ERC2: variants seen among roughly 807,000 people sequenced by gnomAD.
ERC2 encodes ERC protein 2.
Under a neutral mutation model 114.8 loss-of-function variants are expected in ERC2, and 42 were observed. The observed-to-expected ratio is 0.37, with a 90% CI of 0.29 to 0.47. ERC2 has a LOEUF of 0.47. Ranked by LOEUF, ERC2 falls within the 20% of genes least tolerant of loss-of-function variation. The pLI, the probability that ERC2 is intolerant of heterozygous loss-of-function variation, is 0.99. For missense variants in ERC2, 939 were observed against 1,150.7 expected, an observed-to-expected ratio of 0.82 and a Z score of 2.66; for synonymous variants, 454 against 425.5, an observed-to-expected ratio of 1.07 and a Z score of -0.82.
At chr3:55,874,905 G>T (rs2062753143) in intron 14 of ERC2, among the ~76,000 whole-genome samples, 1 of 152,162 alleles carries the variant, frequency 6.6e-6, no homozygotes, top group African/African-American at 2.4e-5. Flanking sequence ...GAGAGAAGCT[G>T]CTATGGCCAG....
intron 13 of ERC2, among the ~76,000 whole-genome samples, chr3:55,914,501 C>T (rs764746311): frequency 2.6e-5 from 4 of 152,150 alleles, no homozygotes; most frequent in Non-Finnish European, 4.4e-5. Context: ...GTACCCACTC[C>T]TACCCAAATC....
chr3:55,725,972 G>A (rs1206987517), intron 15 of ERC2, among the ~76,000 whole-genome samples: 1 of 152,166 alleles, frequency 6.6e-6, no homozygotes, highest in Non-Finnish European at 1.5e-5. Flanking sequence ...GACATTAAGA[G>A]GAAATTGTTT....
chr3:56,360,491 T>A (rs1009901068), intron 2 of ERC2, among the ~76,000 whole-genome samples: 2 of 152,158 alleles, frequency 1.3e-5, no homozygotes, highest in Non-Finnish European at 2.9e-5. Context: ...TGTGAAAACA[T>A]GCTCTCCAAG....
rs539487356 is a variant in ERC2, at chr3:56,210,319, CAG to C, written c.1075-36801_1075-36800del. Among the ~76,000 whole-genome samples the C allele has an allele frequency of 4.3e-3, 649 of 152,230 alleles. 10 individuals carry two copies. Among genetic ancestry groups the C allele is most frequent in the African/African-American group, 0.015 (623 of 41,550 alleles). ...AAAGAAGGGAACAGGCCAAAAATGG[CAG>C]AGTTTAATATTTATGACTCAAAATC... On this transcript the variant is annotated intron_variant, in intron 3 of 17. Transcript: ENST00000288221.
At chr3:55,950,341 C>CAT in intron 13 of ERC2, 84 bp downstream of exon 13, 1 of 1,522,652 alleles carries the variant, frequency 6.6e-7, no homozygotes, top group Non-Finnish European at 8.9e-7. Context: ...CATTTCTGTG[C>CAT]ATATTTTCTG....
At chr3:56,074,572 T>C (rs911330005) in intron 7 of ERC2, among the ~76,000 whole-genome samples, 2 of 152,164 alleles carry the variant, frequency 1.3e-5, no homozygotes, top group Non-Finnish European at 2.9e-5. Flanking sequence ...AATAAGATGA[T>C]ATTCTCTGTA....
intron 3 of ERC2, among the ~76,000 whole-genome samples, chr3:56,271,700 C>A (rs141850506): frequency 1.1e-3 from 170 of 152,254 alleles, no homozygotes; most frequent in African/African-American, 3.8e-3. Context: ...CAGATTATTT[C>A]ATCACCCAGG....
chr3:55,893,908 C>T (rs1342241196), intron 13 of ERC2, among the ~76,000 whole-genome samples: 1 of 152,094 alleles, frequency 6.6e-6, no homozygotes, highest in Admixed American at 6.6e-5. Context: ...TACTCTTACC[C>T]CTAAGTGAGG....
chr3:55,878,953 T>G (rs2062987714), intron 14 of ERC2, among the ~76,000 whole-genome samples: 1 of 152,204 alleles, frequency 6.6e-6, no homozygotes, highest in Non-Finnish European at 1.5e-5. Context: ...TTGGCTCATA[T>G]ATTTAATAAC....
At chr3:56,451,762 T>C (rs553240492) in intron 1 of ERC2, among the ~76,000 whole-genome samples, 1 of 152,360 alleles carries the variant, frequency 6.6e-6, no homozygotes, top group South Asian at 2.1e-4. Flanking sequence ...CAAATACTTC[T>C]GGAGAACAAA....
At chr3:56,327,803 C>G (rs573109591) in intron 2 of ERC2, among the ~76,000 whole-genome samples, 1 of 152,290 alleles carries the variant, frequency 6.6e-6, no homozygotes, top group South Asian at 2.1e-4. Flanking sequence ...CACAATCCTT[C>G]CAGTTTATAT....
intron 17 of ERC2, among the ~76,000 whole-genome samples, chr3:55,619,471 A>T (rs1037679983): frequency 6.6e-6 from 1 of 152,242 alleles, no homozygotes; most frequent in Non-Finnish European, 1.5e-5. Context: ...TCATAATTTC[A>T]TAATCAGTTC....
chr3:55,814,681 CTATT>C (rs2059845246), intron 14 of ERC2, among the ~76,000 whole-genome samples: 1 of 152,116 alleles, frequency 6.6e-6, no homozygotes, highest in Non-Finnish European at 1.5e-5. Context: ...TAAATGTGGG[CTATT>C]TATTTACAAG....
chr3:55,952,162 C>G lies in ERC2; in HGVS notation c.2268-1602G>C, dbSNP rs867233413. ...ACACACACACACACACACACACACA[C>G]ACACACACACACACACACTCTCTCT... On this transcript the variant is annotated intron_variant, in intron 12 of 17. Coordinates refer to ENST00000288221, the MANE Select transcript of ERC2 (RefSeq NM_015576.3). Among the ~76,000 whole-genome samples, 273 of 62,520 alleles carry G rather than the reference C, an allele frequency of 4.4e-3. 14 individuals carry two copies. The highest frequency in any genetic ancestry group is 6.8e-3 in the Non-Finnish European group (189 of 27,902). The allele number at this position is 62,520 out of a possible 152,430, so 41.0% of individuals were successfully genotyped here. A position where few individuals can be genotyped will look rare whatever the true frequency, so the allele number is the denominator to read the frequency against.
At chr3:55,644,517 C>T (rs945242193) in intron 17 of ERC2, among the ~76,000 whole-genome samples, 3 of 152,108 alleles carry the variant, frequency 2.0e-5, no homozygotes, top group Admixed American at 1.3e-4. Flanking sequence ...AAGCTCAGTT[C>T]CTCTATTAGT....
At chr3:56,134,252 A>G (rs1244275353) in intron 6 of ERC2, among the ~76,000 whole-genome samples, 1 of 152,194 alleles carries the variant, frequency 6.6e-6, no homozygotes, top group Non-Finnish European at 1.5e-5. Flanking sequence ...TAAACAACAA[A>G]AGAAAGATCA....
chr3:55,810,433 C>A (rs2059670357), intron 14 of ERC2, among the ~76,000 whole-genome samples: 1 of 151,632 alleles, frequency 6.6e-6, no homozygotes, highest in African/African-American at 2.4e-5. Flanking sequence ...TTTTTTCACT[C>A]AGTGATATAT....
At chr3:56,330,472 C>T (rs1028242518) in intron 2 of ERC2, among the ~76,000 whole-genome samples, 5 of 152,168 alleles carry the variant, frequency 3.3e-5, no homozygotes, top group Admixed American at 3.3e-4. Flanking sequence ...TTTAAACACA[C>T]CAATTCAAAC....
chr3:55,995,421 C>T (rs1422366016), intron 10 of ERC2, among the ~76,000 whole-genome samples: 1 of 152,192 alleles, frequency 6.6e-6, no homozygotes, highest in East Asian at 1.9e-4. Context: ...ATATCAATAT[C>T]TACTGATTTT....
Sources: allele counts gnomAD v4.1 joint callset (sites outside exome capture counted in the v4.1 genomes callset), GRCh38; gene constraint gnomAD v4.1.1; transcripts MANE v1.5; gene names NCBI Gene and HGNC (gene_info 2026-07-23, HGNC 2026-07-21).